The following AMPD2 variants were observed in gnomAD, a reference collection of about 807,000 sequenced individuals.
The protein encoded by AMPD2 is adenosine monophosphate deaminase 2.
AMPD2 carries 52 observed loss-of-function variants against 91.3 expected under a neutral mutation model. That is an observed-to-expected ratio of 0.57 (90% confidence interval 0.46 to 0.72). AMPD2 has a LOEUF of 0.72. AMPD2 is among the 30% of genes least tolerant of loss of function. The pLI, the probability that AMPD2 is intolerant of heterozygous loss-of-function variation, is 0.00. For missense variants in AMPD2, 822 were observed against 1,122.3 expected, an observed-to-expected ratio of 0.73 and a Z score of 3.82; for synonymous variants, 455 against 456.4, an observed-to-expected ratio of 1.00 and a Z score of 0.04.
Position 109,626,207 on chromosome 1 carries a change from C to T in AMPD2, c.401C>T (p.Thr134Met), listed in dbSNP as rs1345418545. 3.7e-6 allele frequency: 6 copies of T among 1,614,158 alleles called. No homozygotes were observed. Among genetic ancestry groups the T allele is most frequent in the Non-Finnish European group, 4.2e-6 (5 of 1,180,034 alleles). Reference sequence around the variant, plus strand: ...CGGGCCAAGCAAGATTTCCTGAAGACGGACAGTGACTCGGACCTACAGTGA... The same window carrying T: ...CGGGCCAAGCAAGATTTCCTGAAGATGGACAGTGACTCGGACCTACAGTGA... The part of the protein sequence containing the change: ...LLRAKQDFLK[T>M]DSDSDLQLYK... Residue 134 changes from threonine (T) to methionine (M), a missense_variant, in exon 5 of 19, where the codon ACG becomes ATG. Transcript: ENST00000528667.
At chr1:109,627,932 T>A in intron 10 of AMPD2, 29 bp downstream of exon 10, 1 of 1,612,814 alleles carries the variant, frequency 6.2e-7, no homozygotes, top group Non-Finnish European at 8.5e-7. Flanking sequence ...GCCGTCTCCA[T>A]GTCCTCATCC....
chr1:109,626,776 C>T lies in AMPD2; in HGVS notation c.582C>T (p.Leu194=), dbSNP rs144177097. 2.7e-4 allele frequency: 431 copies of T among 1,613,694 alleles called. No homozygotes were observed. Among genetic ancestry groups the T allele is most frequent in the Non-Finnish European group, 3.3e-4 (391 of 1,179,874 alleles). ...LDAAKSVVRA[L]FIREKYMALS... ...CAGCCAAGAGTGTGGTGCGGGCGCT[C>T]TTCATCCGGGAGAAGTACATGGCCC... Residue 194 remains leucine, a synonymous_variant, in exon 7 of 19, where the codon CTC becomes CTT. Coordinates refer to ENST00000528667, the MANE Select transcript of AMPD2 (RefSeq NM_001368809.2).
In AMPD2 at chr1:109,627,430, T is replaced by C; in HGVS notation, c.862T>C (p.Cys288Arg). 6.2e-7 allele frequency: 1 copy of C among 1,614,074 alleles called. No homozygotes were observed. Among genetic ancestry groups the C allele is most frequent in the Non-Finnish European group, 8.5e-7 (1 of 1,179,980 alleles). Residue 288 changes from cysteine (C) to arginine (R), a missense_variant and splice_region_variant, in exon 9 of 19, where the codon TGC (cysteine) becomes CGC (arginine). By Grantham distance (180) the Cys-to-Arg change is radical (BLOSUM62 -3). Coordinates refer to ENST00000528667, the MANE Select transcript of AMPD2 (RefSeq NM_001368809.2). ...VYTRREPDEH[C>R]SEVELPYPDL... is the part of the protein sequence containing the mutation. ...CACCCAAGCTCCCCTCCATGCCAGT[T>C]GCTCAGAGGTGGAGCTGCCATACCC...
In AMPD2 at chr1:109,630,791, A is replaced by T. The variant is rs1402218036; in HGVS notation, c.2266A>T (p.Lys756Ter). 6 of 1,606,874 alleles carry T rather than the reference A, an allele frequency of 3.7e-6. No homozygotes were observed. Among genetic ancestry groups the T allele is most frequent in the Non-Finnish European group, 3.4e-6 (4 of 1,176,996 alleles). Residue 756 changes from lysine (K) to a stop codon, truncating the protein, a stop_gained and splice_region_variant, in exon 18 of 19, where the codon AAG becomes TAG. Coordinates refer to ENST00000528667, the MANE Select transcript of AMPD2 (RefSeq NM_001368809.2). LOFTEE classifies it high-confidence loss of function. ...CGTGCTCATGAGCGGCTTCTCGCAC[A>T]AGGTACTACAGCGCCTGCCTGGACC... is the stretch of plus-strand genomic sequence containing the variant. ...NSVLMSGFSH[K>*]VKSHWLGPNY...
In AMPD2 at chr1:109,628,452, C is replaced by T. The variant is rs764701518; in HGVS notation, c.1364C>T (p.Thr455Met). 8 of 1,613,290 alleles carry T rather than the reference C, an allele frequency of 5.0e-6. No individual in the cohort carries two copies. In the East Asian group the frequency reaches 8.9e-5, roughly 18 times the overall value. The change falls in exon 12 of 19, where the codon ACG becomes ATG. Residue 455 changes from threonine (T) to methionine (M), a missense_variant. Around this residue, in one of 5 missense-constraint regions of AMPD2, gnomAD observed 430 missense variants for 606.0 expected, o/e 0.71. Coordinates refer to ENST00000528667, the MANE Select transcript of AMPD2 (RefSeq NM_001368809.2). The surrounding 1 kb of genome is among the most constrained non-coding windows in gnomAD (Gnocchi z 7.1). Reference protein sequence around the residue: ...ESVLREIFIKTDNRVSGKYFA... With the variant: ...ESVLREIFIKMDNRVSGKYFA... The stretch of plus-strand genomic sequence containing the variant: ...GTCCTCCGAGAGATCTTCATCAAGA[C>T]GGACAACAGGGTATCTGGGAAGTAC...
intron 15 of AMPD2, 130 bp downstream of exon 15, chr1:109,629,620 G>A (rs1472172383): frequency 6.9e-7 from 1 of 1,442,768 alleles, no homozygotes; most frequent in Non-Finnish European, 9.4e-7. Flanking sequence ...TTCTTTCTCT[G>A]CCCTTGGAGC....
intron 1 of AMPD2, 81 bp downstream of exon 1, chr1:109,620,359 C>T: frequency 6.3e-7 from 1 of 1,585,200 alleles, no homozygotes; most frequent in Non-Finnish European, 8.6e-7. Context: ...GGGTGGGAGT[C>T]ACAGCACAGC....
chr1:109,625,205 C>A lies in AMPD2; in HGVS notation c.92-98C>A. The A allele has an allele frequency of 1.3e-6, 2 of 1,518,444 alleles. No homozygotes were observed. The highest frequency in any genetic ancestry group is 1.8e-6 in the Non-Finnish European group (2 of 1,124,940). 94.1% of individuals were successfully genotyped at this position (1,518,444 alleles called of 1,614,324 possible). On this transcript the variant is annotated intron_variant, in intron 2 of 18. Coordinates refer to ENST00000528667, the MANE Select transcript of AMPD2 (RefSeq NM_001368809.2). The surrounding 1 kb of genome is among the most constrained non-coding windows in gnomAD (Gnocchi z 4.0). ...AGGAGGGACTGCCCTCTTTCCCGAC[C>A]CTGGGCTCTCTCGGGAGCTGGCCTA...
rs1650488118 is a variant in AMPD2 at position 109,624,480 on chromosome 1, A to C, written c.92-823A>C. Among the ~76,000 whole-genome samples the C allele has an allele frequency of 6.6e-6, 1 of 152,302 alleles. No individual in the cohort carries two copies. Among genetic ancestry groups the C allele is most frequent in the African/African-American group, 2.4e-5 (1 of 41,558 alleles). On this transcript the variant is annotated intron_variant, in intron 2 of 18. Coordinates refer to ENST00000528667, the MANE Select transcript of AMPD2 (RefSeq NM_001368809.2). The surrounding 1 kb of genome is among the most constrained non-coding windows in gnomAD (Gnocchi z 5.2). ...TGGAAAGTCTAGTCTTGATGAAGAA[A>C]GACCCCTGGCTTCTGACACTCCCTT...
At position 109,627,178 on chromosome 1, in the gene AMPD2, C is replaced by A; in HGVS notation, c.722C>A (p.Ala241Asp). The change falls in exon 8 of 19, where the codon GCC (alanine) becomes GAC (aspartate). Residue 241 changes from alanine (A) to aspartate (D), a missense_variant. Physicochemically the swap from Ala to Asp is moderately radical, Grantham distance 126 (BLOSUM62 -2). Around this residue, in one of 5 missense-constraint regions of AMPD2, gnomAD observed 240 missense variants for 270.3 expected, o/e 0.89. Transcript: ENST00000528667. ...QGPDTPVSAD[A>D]PVHPPALEQH... Reference sequence around the variant, plus strand: ...TTTACCCTCCTCACCCCTGCAGATGCCCCGGTGCACCCCCCTGCGCTGGAG... The same window carrying A: ...TTTACCCTCCTCACCCCTGCAGATGACCCGGTGCACCCCCCTGCGCTGGAG... 1 of 1,612,886 alleles carries A rather than the reference C, an allele frequency of 6.2e-7. No individual in the cohort carries two copies. The highest frequency in any genetic ancestry group is 8.5e-7 in the Non-Finnish European group (1 of 1,179,838).
rs912331345 is a variant in AMPD2 at position 109,624,091 on chromosome 1, T to G, written c.92-1212T>G. The stretch of plus-strand genomic sequence containing the variant: ...GCCGGAGCTGCCTGCACTCTGCAGG[T>G]AGGGTTCAGGCAGGGGCCGGGGTGC... On this transcript the variant is annotated intron_variant, in intron 2 of 18. Coordinates refer to ENST00000528667, the MANE Select transcript of AMPD2 (RefSeq NM_001368809.2). This position sits in a 1 kb window ranked among gnomAD's most constrained non-coding sequence, Gnocchi z 5.2. 1 of 985,544 alleles carries G rather than the reference T, an allele frequency of 1.0e-6. No individual in the cohort carries two copies. Among genetic ancestry groups the G allele is most frequent in the African/African-American group, 1.7e-5 (1 of 57,356 alleles). The allele number at this position is 985,544 out of a possible 1,614,324, so 61.0% of individuals were successfully genotyped here. A position where few individuals can be genotyped will look rare whatever the true frequency, so the allele number is the denominator to read the frequency against.
chr1:109,628,737 C>A lies in AMPD2; in HGVS notation c.1502C>A (p.Ala501Glu), dbSNP rs746558863. 6.2e-7 allele frequency: 1 copy of A among 1,605,062 alleles called. No homozygotes were observed. Among genetic ancestry groups the A allele is most frequent in the Non-Finnish European group, 8.5e-7 (1 of 1,175,422 alleles). The change falls in exon 13 of 19, where the codon GCG (alanine) becomes GAG (glutamate). Residue 501 changes from alanine (A) to glutamate (E), a missense_variant. This residue lies in a region of AMPD2 where 430 missense variants were observed against 606.0 expected (regional missense o/e 0.71). Coordinates refer to ENST00000528667, the MANE Select transcript of AMPD2 (RefSeq NM_001368809.2). The surrounding 1 kb of genome is among the most constrained non-coding windows in gnomAD (Gnocchi z 7.1). ...TCGAGGGATGAGTGGGACAAGCTGGCGCGCTGGGCCGTCATGCACCGCGTG... is the reference window on the plus strand; with the variant it reads ...TCGAGGGATGAGTGGGACAAGCTGGAGCGCTGGGCCGTCATGCACCGCGTG... Reference protein sequence around the residue: ...GRSRDEWDKLARWAVMHRVHS... With the variant: ...GRSRDEWDKLERWAVMHRVHS...
At position 109,625,270 on chromosome 1, in the gene AMPD2, C is replaced by T; in HGVS notation, c.92-33C>T. On this transcript the variant is annotated intron_variant, in intron 2 of 18. Coordinates refer to ENST00000528667, the MANE Select transcript of AMPD2 (RefSeq NM_001368809.2). This position sits in a 1 kb window ranked among gnomAD's most constrained non-coding sequence, Gnocchi z 4.0. ...CCAGGGCTTTCAGGGGCTGCCCCTC[C>T]ACCCTTTGACCCTGGCATCACTGTC... The T allele has an allele frequency of 1.9e-6, 3 of 1,607,228 alleles. No homozygotes were observed. The highest frequency in any genetic ancestry group is 2.6e-6 in the Non-Finnish European group (3 of 1,175,926).
Position 109,628,327 on chromosome 1 carries a change from G to C in AMPD2, c.1276-37G>C, listed in dbSNP as rs754220243. On this transcript the variant is annotated intron_variant, in intron 11 of 18. Transcript: ENST00000528667. This position sits in a 1 kb window ranked among gnomAD's most constrained non-coding sequence, Gnocchi z 7.1. ...GGGACTGAGTCAGTCAGGGGACCAGGAGTCACGGGTGACCTGAGCCTTCCC... is the reference window on the plus strand; with the variant it reads ...GGGACTGAGTCAGTCAGGGGACCAGCAGTCACGGGTGACCTGAGCCTTCCC... 3.1e-6 allele frequency: 5 copies of C among 1,613,486 alleles called. No individual in the cohort carries two copies. Among genetic ancestry groups the C allele is most frequent in the Non-Finnish European group, 3.4e-6 (4 of 1,179,590 alleles).
At position 109,631,118 on chromosome 1, in the gene AMPD2, A is replaced by G. The variant is rs1194894164; in HGVS notation, c.2444A>G (p.Glu815Gly). 1 of 1,600,162 alleles carries G rather than the reference A, an allele frequency of 6.2e-7. No individual in the cohort carries two copies. The highest frequency in any genetic ancestry group is 1.8e-5 in the Admixed American group (1 of 56,908). Residue 815 changes from glutamate (E) to glycine (G), a missense_variant, in exon 19 of 19, where the codon GAG becomes GGG. By Grantham distance (98) the Glu-to-Gly change is moderately conservative. Around this residue, in one of 5 missense-constraint regions of AMPD2, gnomAD observed 430 missense variants for 606.0 expected, o/e 0.71. Coordinates refer to ENST00000528667, the MANE Select transcript of AMPD2 (RefSeq NM_001368809.2). ...QSEMLETIPEEAGITMSPGPQ is the reference protein window; with the variant it reads ...QSEMLETIPEGAGITMSPGPQ ...GAGATGCTGGAGACCATTCCAGAGG[A>G]GGCGGGTATCACCATGAGCCCAGGG...
At position 109,628,195 on chromosome 1, in the gene AMPD2, G is replaced by A. The variant is rs138073893; in HGVS notation, c.1193G>A (p.Arg398His). 1.7e-5 allele frequency: 28 copies of A among 1,614,058 alleles called. No individual in the cohort carries two copies. Among genetic ancestry groups the A allele is most frequent in the African/African-American group, 1.7e-4 (13 of 75,056 alleles). Residue 398 changes from arginine (R) to histidine (H), a missense_variant, in exon 11 of 19, where the codon CGT becomes CAT. This residue lies in a region of AMPD2 where 430 missense variants were observed against 606.0 expected (regional missense o/e 0.71). Transcript: ENST00000528667. The surrounding 1 kb of genome is among the most constrained non-coding windows in gnomAD (Gnocchi z 7.1). ...GAGATCGTGCACGTGGAGCAGGGCCGTGAACAGACGCTGCGGGAGGTCTTT... is the reference window on the plus strand; with the variant it reads ...GAGATCGTGCACGTGGAGCAGGGCCATGAACAGACGCTGCGGGAGGTCTTT... ...LEEIVHVEQG[R>H]EQTLREVFES...
Position 109,629,876 on chromosome 1 carries a change from T to C in AMPD2, c.1943T>C (p.Met648Thr). ...GPIHHLVSAF[M>T]LAENISHGLL... The stretch of plus-strand genomic sequence containing the variant: ...ATCCACCACCTGGTGTCAGCCTTCA[T>C]GCTGGCTGAGAACATTTCCCACGGG... The change falls in exon 16 of 19, where the codon ATG becomes ACG. Residue 648 changes from methionine to threonine, a missense_variant. Physicochemically the swap from Met to Thr is moderately conservative, Grantham distance 81. Coordinates refer to ENST00000528667, the MANE Select transcript of AMPD2 (RefSeq NM_001368809.2). 6.2e-7 allele frequency: 1 copy of C among 1,612,704 alleles called. No homozygotes were observed. Among genetic ancestry groups the C allele is most frequent in the Non-Finnish European group, 8.5e-7 (1 of 1,179,124 alleles).
Position 109,628,461 on chromosome 1 carries a change from G to C in AMPD2, c.1373G>C (p.Arg458Thr). 6.2e-7 allele frequency: 1 copy of C among 1,613,246 alleles called. No homozygotes were observed. The highest frequency in any genetic ancestry group is 2.2e-5 in the East Asian group (1 of 44,880). The change falls in exon 12 of 19, where the codon AGG becomes ACG. Residue 458 changes from arginine to threonine, a missense_variant. Coordinates refer to ENST00000528667, the MANE Select transcript of AMPD2 (RefSeq NM_001368809.2). The surrounding 1 kb of genome is among the most constrained non-coding windows in gnomAD (Gnocchi z 7.1). ...LREIFIKTDNRVSGKYFAHII... is the reference protein window; with the variant it reads ...LREIFIKTDNTVSGKYFAHII... ...GAGATCTTCATCAAGACGGACAACA[G>C]GGTATCTGGGAAGTACTTTGCTCAC...
chr1:109,621,316 C>T, intron 2 of AMPD2, 50 bp downstream of exon 2: 1 of 1,592,354 alleles, frequency 6.3e-7, no homozygotes, highest in Non-Finnish European at 8.6e-7. Context: ...TCTGTCTTGC[C>T]ACCTCTCGCC....
Sources: allele counts gnomAD v4.1 joint callset (sites outside exome capture counted in the v4.1 genomes callset), GRCh38; gene constraint gnomAD v4.1.1; regional missense constraint gnomAD v4.1.1; non-coding constraint Gnocchi (gnomAD v3.1); transcripts MANE v1.5; gene names NCBI Gene and HGNC (gene_info 2026-07-23, HGNC 2026-07-21).